The following ZDHHC14 variants were observed in gnomAD, a reference collection of about 807,000 sequenced individuals.
ZDHHC14 encodes the protein zDHHC palmitoyltransferase 14.
ZDHHC14 carries 16 observed loss-of-function variants against 47.7 expected under a neutral mutation model. The observed-to-expected ratio is 0.34, with a 90% CI of 0.23 to 0.51. The LOEUF (loss-of-function observed/expected upper bound fraction) is 0.51, where lower values mean the gene tolerates loss of function less well. Among genes scored for constraint, ZDHHC14 ranks in the 20% least tolerant of loss-of-function variants. The pLI, the probability that ZDHHC14 is intolerant of heterozygous loss-of-function variation, is 0.97. For missense variants in ZDHHC14, 515 were observed against 662.5 expected, an observed-to-expected ratio of 0.78 and a Z score of 2.44; for synonymous variants, 293 against 278.9, an observed-to-expected ratio of 1.05 and a Z score of -0.50.
intron 1 of ZDHHC14, among the ~76,000 whole-genome samples, chr6:157,437,172 A>G (rs1432834733): frequency 1.3e-5 from 2 of 152,210 alleles, no homozygotes; most frequent in Non-Finnish European, 2.9e-5. Context: ...TGGGCTCTGC[A>G]TCCGTGAGAG....
In ZDHHC14 at chr6:157,419,610, G is replaced by A. The variant is rs570226650; in HGVS notation, c.245+37344G>A. Among the ~76,000 whole-genome samples, 12 of 152,272 alleles carry A rather than the reference G, an allele frequency of 7.9e-5. No homozygotes were observed. In the South Asian group the frequency reaches 2.5e-3, roughly 32 times the overall value. On this transcript the variant is annotated intron_variant, in intron 1 of 8. Coordinates refer to ENST00000359775, the MANE Select transcript of ZDHHC14 (RefSeq NM_024630.3). ...TTTCACTTAACCATGTGCATCCAAG[G>A]TTCCTTTGTATCTTTTTGTGGCTTG... is the stretch of plus-strand genomic sequence containing the variant.
At chr6:157,672,624 A>AAC in intron 8 of ZDHHC14, 100 bp from the exon 9 acceptor site, 3 of 273,144 alleles carry the variant, frequency 1.1e-5, no homozygotes, top group South Asian at 3.4e-5. Context: ...CTCTTCTCGC[A>AAC]CCCCACCCTC....
rs112862097 is a variant in ZDHHC14, at chr6:157,639,796, G to A, written c.753-5941G>A. On this transcript the variant is annotated intron_variant, in intron 5 of 8. Transcript: ENST00000359775. ...AAGAGTGCCTGGGGGAAAGGGTTGC[G>A]CTGGAAGGGGGATACAGCTAGTGCC... is the stretch of plus-strand genomic sequence containing the variant. Among the ~76,000 whole-genome samples the A allele has an allele frequency of 2.2e-3, 329 of 152,278 alleles. 2 individuals are homozygous for A. The highest frequency in any genetic ancestry group is 6.4e-3 in the African/African-American group (265 of 41,550).
At chr6:157,474,113 C>T (rs1316946645) in intron 1 of ZDHHC14, among the ~76,000 whole-genome samples, 3 of 152,080 alleles carry the variant, frequency 2.0e-5, no homozygotes, top group East Asian at 1.9e-4. Context: ...TTCAGCCTCC[C>T]GAGTGGCTGG....
chr6:157,608,276 T>G (rs1784619928), intron 3 of ZDHHC14, among the ~76,000 whole-genome samples: 1 of 151,974 alleles, frequency 6.6e-6, no homozygotes, highest in East Asian at 1.9e-4. Flanking sequence ...GCCGATTATA[T>G]GGGCTCTGTG....
chr6:157,532,945 A>C (rs1033357054), intron 1 of ZDHHC14, among the ~76,000 whole-genome samples: 1 of 152,186 alleles, frequency 6.6e-6, no homozygotes, highest in African/African-American at 2.4e-5. Flanking sequence ...ATTTATTTTT[A>C]ATAACATATT....
intron 1 of ZDHHC14, among the ~76,000 whole-genome samples, chr6:157,505,818 C>T (rs1474491092): frequency 6.6e-6 from 1 of 152,194 alleles, no homozygotes; most frequent in East Asian, 1.9e-4. Context: ...CTGTAGTCAT[C>T]AGAGTTGATA....
At chr6:157,600,949 G>A (rs551431711) in intron 3 of ZDHHC14, among the ~76,000 whole-genome samples, 13 of 152,220 alleles carry the variant, frequency 8.5e-5, no homozygotes, top group Non-Finnish European at 1.9e-4. Flanking sequence ...CTCAAGAGCA[G>A]AGCTGGAGAG....
chr6:157,592,753 C>T, intron 2 of ZDHHC14: 2 of 1,307,418 alleles, frequency 1.5e-6, no homozygotes, highest in Non-Finnish European at 2.0e-6. Flanking sequence ...GCCATGTGTG[C>T]TGTGCTCCAT....
chr6:157,384,825 C>T (rs1480845496), intron 1 of ZDHHC14, among the ~76,000 whole-genome samples: 2 of 152,356 alleles, frequency 1.3e-5, no homozygotes, highest in Non-Finnish European at 2.9e-5. Context: ...AATCCCTAAG[C>T]GAGATCCAGA....
At chr6:157,615,138 C>T (rs1219587801) in intron 3 of ZDHHC14, among the ~76,000 whole-genome samples, 2 of 152,152 alleles carry the variant, frequency 1.3e-5, no homozygotes, top group Non-Finnish European at 2.9e-5. Flanking sequence ...ATTCCATAGC[C>T]GGTCCTAACT....
chr6:157,602,188 C>T (rs565513004), intron 3 of ZDHHC14, among the ~76,000 whole-genome samples: 2 of 113,212 alleles, frequency 1.8e-5, no homozygotes, highest in African/African-American at 4.0e-5. Context: ...GGGGACAGAG[C>T]GAGATTCTGT....
At chr6:157,647,431 A>G in intron 7 of ZDHHC14, 63 bp downstream of exon 7, 1 of 1,344,266 alleles carries the variant, frequency 7.4e-7, no homozygotes, top group Non-Finnish European at 1.0e-6. Context: ...CTCGGCCGTT[A>G]GCACAGGCCG....
intron 1 of ZDHHC14, among the ~76,000 whole-genome samples, chr6:157,407,952 T>C (rs1037980332): frequency 3.9e-5 from 6 of 152,222 alleles, no homozygotes; most frequent in African/African-American, 1.4e-4. Flanking sequence ...CTCTTTTAAG[T>C]GCTGCCGTGT....
rs537183335 is a variant in ZDHHC14, at chr6:157,434,669, C to A, written c.245+52403C>A. 2.6e-5 allele frequency among the ~76,000 whole-genome samples: 4 copies of A among 151,900 alleles called. No individual in the cohort carries two copies. The South Asian group carries it at 8.3e-4, about 31-fold the overall frequency. ...ATGGATCTTTTGCCCCAGTTTTATT[C>A]GTTTATCAAATGTTTGTCAGTGTGG... On this transcript the variant is annotated intron_variant, in intron 1 of 8. Transcript: ENST00000359775.
In ZDHHC14 at chr6:157,551,448, T is replaced by C. The variant is rs113336387; in HGVS notation, c.406+8703T>C. On this transcript the variant is annotated intron_variant, in intron 2 of 8. Coordinates refer to ENST00000359775, the MANE Select transcript of ZDHHC14 (RefSeq NM_024630.3). ...TTCCAAGTCCAGGTATATATAGCCCTCCTTTAACTTCCTGGCTCCTGAAAC... is the reference window on the plus strand; with the variant it reads ...TTCCAAGTCCAGGTATATATAGCCCCCCTTTAACTTCCTGGCTCCTGAAAC... Among the ~76,000 whole-genome samples, 10 of 152,314 alleles carry C rather than the reference T, an allele frequency of 6.6e-5. 1 individual carries two copies. Among genetic ancestry groups the C allele is most frequent in the African/African-American group, 2.4e-4 (10 of 41,554 alleles).
intron 3 of ZDHHC14, among the ~76,000 whole-genome samples, chr6:157,608,674 G>T (rs1246886338): frequency 2.6e-5 from 4 of 152,188 alleles, no homozygotes; most frequent in African/African-American, 9.7e-5. Flanking sequence ...AACAGGCCAG[G>T]GGGTAGGCAG....
At chr6:157,447,424 C>T (rs765845719) in intron 1 of ZDHHC14, among the ~76,000 whole-genome samples, 7 of 152,232 alleles carry the variant, frequency 4.6e-5, no homozygotes, top group Non-Finnish European at 8.8e-5. Context: ...GCTGCACAGG[C>T]TCTTCCTTGG....
intron 2 of ZDHHC14, among the ~76,000 whole-genome samples, chr6:157,564,804 T>G (rs1009544468): frequency 3.3e-5 from 5 of 152,242 alleles, no homozygotes; most frequent in Admixed American, 1.3e-4. Context: ...CATTTTTGCC[T>G]GATTTCCCTT....
Sources: allele counts gnomAD v4.1 joint callset (sites outside exome capture counted in the v4.1 genomes callset), GRCh38; gene constraint gnomAD v4.1.1; transcripts MANE v1.5; gene names NCBI Gene and HGNC (gene_info 2026-07-23, HGNC 2026-07-21).